Variants in ZC3HAV1 observed in about 807,000 individuals in gnomAD.
The protein encoded by ZC3HAV1 is zinc finger CCCH-type antiviral protein 1.
A neutral mutation model predicts 86.6 loss-of-function variants in ZC3HAV1; 41 were observed. That is an observed-to-expected ratio of 0.47 (90% CI 0.37 to 0.61). The LOEUF is 0.61. Among genes scored for constraint, ZC3HAV1 ranks in the 20% least tolerant of loss-of-function variants. ZC3HAV1 has a pLI of 0.00. For synonymous variants in ZC3HAV1, 421 were observed against 432.1 expected (o/e 0.97, Z 0.32); for missense variants, 964 against 1,141.1 (o/e 0.84, Z 2.24).
intron 12 of ZC3HAV1, among the ~76,000 whole-genome samples, chr7:139,052,423 T>C (rs1816150493): frequency 6.7e-6 from 1 of 149,044 alleles, no homozygotes; most frequent in African/African-American, 2.5e-5. Context: ...CTGACCAACA[T>C]GGAGAAACCC....
intron 12 of ZC3HAV1, among the ~76,000 whole-genome samples, chr7:139,050,474 T>C (rs1266339060): frequency 2.0e-5 from 3 of 152,112 alleles, no homozygotes; most frequent in Non-Finnish European, 2.9e-5. Context: ...ATCAATCAAC[T>C]CTCATGCCTC....
intron 12 of ZC3HAV1, among the ~76,000 whole-genome samples, chr7:139,049,125 C>CTTTTTTTTTTTTT (rs754435812): frequency 1.6e-5 from 2 of 125,432 alleles, no homozygotes; most frequent in Admixed American, 8.2e-5. Context: ...TCTCTCTCTC[C>CTTTTTTTTTTTTT]TTTTTTTTTT....
intron 1 of ZC3HAV1, among the ~76,000 whole-genome samples, chr7:139,101,113 G>A (rs1375847012): frequency 2.0e-5 from 3 of 152,180 alleles, no homozygotes; most frequent in Admixed American, 6.5e-5. Context: ...CCGAGGTGCC[G>A]GGATGGCAGA....
intron 1 of ZC3HAV1, among the ~76,000 whole-genome samples, chr7:139,090,957 G>A (rs1817412046): frequency 6.6e-6 from 1 of 152,150 alleles, no homozygotes; most frequent in African/African-American, 2.4e-5. Flanking sequence ...CAGTCACTCA[G>A]GCTCTAGCGA....
intron 8 of ZC3HAV1, among the ~76,000 whole-genome samples, chr7:139,063,745 A>C (rs1816517824): frequency 6.6e-6 from 1 of 150,708 alleles, no homozygotes; most frequent in Non-Finnish European, 1.5e-5. Flanking sequence ...AAAAAAAAAA[A>C]AGTGTTCTGC....
In ZC3HAV1 at chr7:139,047,772, T is replaced by G. The variant is rs181282164; in HGVS notation, c.2531A>C (p.Gln844Pro). The part of the protein sequence containing the change: ...DAKNVVMFVA[Q>P]VLVGKFTEGN... ...TTCAGTAAACTTTCCAACCAGAACT[T>G]GGGCTACAAACATAACGACGTTTTT... Residue 844 changes from glutamine (Q) to proline (P), a missense_variant, in exon 13 of 13, where the codon CAA (glutamine) becomes CCA (proline). Coordinates refer to ENST00000242351, the MANE Select transcript of ZC3HAV1 (RefSeq NM_020119.4). 2.5e-6 allele frequency: 4 copies of G among 1,614,140 alleles called. No homozygotes were observed. In the Admixed American group the frequency reaches 6.7e-5, roughly 27 times the overall value.
In ZC3HAV1 at chr7:139,108,320, T is replaced by C. The variant is rs1817995469; in HGVS notation, c.308+704A>G. On this transcript the variant is annotated intron_variant, in intron 1 of 12. Transcript: ENST00000242351. The surrounding 1 kb of genome is among the most constrained non-coding windows in gnomAD (Gnocchi z 4.2). ...ACAACAGAAGCAGTGGCCCGAGACG[T>C]GAGCCACACTGCTTCAAAGGGATTT... Among the ~76,000 whole-genome samples the C allele has an allele frequency of 6.7e-6, 1 of 149,672 alleles. No homozygotes were observed. The highest frequency in any genetic ancestry group is 1.5e-5 in the Non-Finnish European group (1 of 67,650).
chr7:139,059,315 A>G (rs1003612407), intron 9 of ZC3HAV1, among the ~76,000 whole-genome samples: 1 of 152,184 alleles, frequency 6.6e-6, no homozygotes, highest in Non-Finnish European at 1.5e-5. Context: ...ATTAATTTGA[A>G]TATTTAAACT....
At chr7:139,100,400 G>A (rs1817715727) in intron 1 of ZC3HAV1, among the ~76,000 whole-genome samples, 1 of 151,894 alleles carries the variant, frequency 6.6e-6, no homozygotes, top group East Asian at 1.9e-4. Flanking sequence ...AGCCAGGGGT[G>A]GTGGCATGCA....
At chr7:139,107,460 C>T (rs4732351) in intron 1 of ZC3HAV1, among the ~76,000 whole-genome samples, 34,072 of 152,094 alleles carry the variant, frequency 0.22, 4,047 homozygotes, top group East Asian at 0.44. Context: ...TTTTATTACA[C>T]GTATATTGGG....
chr7:139,047,889 A>G, intron 12 of ZC3HAV1, 36 bp from the exon 13 acceptor site: 2 of 1,590,718 alleles, frequency 1.3e-6, no homozygotes, highest in South Asian at 1.1e-5. Context: ...AAGAAATATT[A>G]TAAAAGAAGG....
chr7:139,055,067 G>T, intron 10 of ZC3HAV1, 138 bp downstream of exon 10: 1 of 719,180 alleles, frequency 1.4e-6, no homozygotes, highest in East Asian at 2.9e-5. Flanking sequence ...TAGGATTACA[G>T]GGCTGAGCCA....
intron 2 of ZC3HAV1, among the ~76,000 whole-genome samples, chr7:139,086,203 C>A (rs1817269217): frequency 6.6e-6 from 1 of 152,094 alleles, no homozygotes; most frequent in African/African-American, 2.4e-5. Context: ...TCCTTTAGAG[C>A]CTTCTCTTGC....
chr7:139,052,325 G>C (rs1038124732), intron 12 of ZC3HAV1, among the ~76,000 whole-genome samples: 1 of 127,968 alleles, frequency 7.8e-6, no homozygotes, highest in Non-Finnish European at 1.6e-5. Flanking sequence ...TTGCATGCAG[G>C]CCAGGCGCAG....
At chr7:139,088,520 A>G (rs1584865373) in intron 2 of ZC3HAV1, among the ~76,000 whole-genome samples, 1 of 152,074 alleles carries the variant, frequency 6.6e-6, no homozygotes, top group Non-Finnish European at 1.5e-5. Flanking sequence ...GTGAGTACAG[A>G]CTCATTGTAC....
At chr7:139,062,132 T>C (rs1466532191) in intron 8 of ZC3HAV1, among the ~76,000 whole-genome samples, 2 of 152,128 alleles carry the variant, frequency 1.3e-5, no homozygotes, top group Non-Finnish European at 2.9e-5. Context: ...CTTTCGGGAT[T>C]GATGGAAATG....
At chr7:139,057,232 G>A (rs1816311502) in intron 9 of ZC3HAV1, among the ~76,000 whole-genome samples, 1 of 151,890 alleles carries the variant, frequency 6.6e-6, no homozygotes, top group African/African-American at 2.4e-5. Flanking sequence ...GTGGTGCACG[G>A]CTGTAGTTGC....
At chr7:139,063,561 A>G (rs1816508363) in intron 8 of ZC3HAV1, among the ~76,000 whole-genome samples, 1 of 151,752 alleles carries the variant, frequency 6.6e-6, no homozygotes, top group South Asian at 2.1e-4. Flanking sequence ...CATCTGTACA[A>G]AAAAATTTTT....
intron 2 of ZC3HAV1, among the ~76,000 whole-genome samples, chr7:139,085,096 T>A (rs998450): frequency 0.033 from 5,073 of 152,338 alleles, 116 homozygotes; most frequent in Non-Finnish European, 0.052. Flanking sequence ...CAGCACTACC[T>A]GTAAATTTGT....
Sources: gnomAD v4.1 joint callset for allele counts (sites outside exome capture counted in the v4.1 genomes callset) on GRCh38, gnomAD v4.1.1 for gene constraint, Gnocchi (gnomAD v3.1) non-coding constraint, MANE v1.5 for transcripts, NCBI Gene and HGNC (gene_info 2026-07-23, HGNC 2026-07-21) for gene names.